The following THEMIS variants were observed in gnomAD, a reference collection of about 807,000 sequenced individuals.
THEMIS encodes the protein thymocyte selection associated, also known as protein THEMIS.
THEMIS carries 37 observed loss-of-function variants against 52.6 expected under a neutral mutation model. The observed-to-expected ratio is 0.70, with a 90% CI of 0.54 to 0.93. The LOEUF (loss-of-function observed/expected upper bound fraction) is 0.93. Among genes scored for constraint, THEMIS ranks in the 40% least tolerant of loss-of-function variants. THEMIS has a pLI of 0.00. For synonymous variants in THEMIS, 292 were observed against 272.7 expected (o/e 1.07, Z -0.70); for missense variants, 808 against 763.1 (o/e 1.06, Z -0.69).
intron 4 of THEMIS, among the ~76,000 whole-genome samples, chr6:127,752,321 AAAAT>A (rs1292021599): frequency 6.6e-6 from 1 of 151,358 alleles, no homozygotes; most frequent in African/African-American, 2.4e-5. Flanking sequence ...AGAAATAAAT[AAAAT>A]AGAGACAAAA....
chr6:127,861,552 G>A (rs111360386), intron 1 of THEMIS, among the ~76,000 whole-genome samples: 1,967 of 152,134 alleles, frequency 0.013, 39 homozygotes, highest in African/African-American at 0.045. Context: ...GGGAGGCCAA[G>A]GTGGGTGGAT....
chr6:127,880,652 C>T (rs1340568863), intron 1 of THEMIS, among the ~76,000 whole-genome samples: 1 of 149,546 alleles, frequency 6.7e-6, no homozygotes, highest in Non-Finnish European at 1.5e-5. Flanking sequence ...GTGTTCTTTC[C>T]TTAACTGACA....
intron 4 of THEMIS, among the ~76,000 whole-genome samples, chr6:127,739,764 T>C (rs1428963474): frequency 6.6e-6 from 1 of 152,216 alleles, no homozygotes; most frequent in Non-Finnish European, 1.5e-5. Flanking sequence ...GCCTATTTAA[T>C]GCTGTACCGT....
intron 4 of THEMIS, among the ~76,000 whole-genome samples, chr6:127,749,903 G>A (rs761752402): frequency 2.3e-4 from 34 of 150,418 alleles, no homozygotes; most frequent in African/African-American, 4.4e-4. Flanking sequence ...TAGGATTTTC[G>A]AGTAGAACAA....
intron 1 of THEMIS, among the ~76,000 whole-genome samples, chr6:127,907,797 T>G (rs997635919): frequency 6.6e-6 from 1 of 151,506 alleles, no homozygotes; most frequent in Non-Finnish European, 1.5e-5. Context: ...TTGATCACCA[T>G]TCTCTTCTGT....
intron 1 of THEMIS, among the ~76,000 whole-genome samples, chr6:127,871,137 A>T (rs1422383168): frequency 6.6e-6 from 1 of 152,164 alleles, no homozygotes; most frequent in Non-Finnish European, 1.5e-5. Flanking sequence ...ATATTCTATG[A>T]CCACAATGAA....
chr6:127,849,077 T>C (rs1779328273), intron 2 of THEMIS, among the ~76,000 whole-genome samples: 1 of 152,178 alleles, frequency 6.6e-6, no homozygotes, highest in African/African-American at 2.4e-5. Context: ...TTTAAGTCTT[T>C]ACTCCATCTT....
chr6:127,748,297 T>G (rs1403722921), intron 4 of THEMIS, among the ~76,000 whole-genome samples: 1 of 152,056 alleles, frequency 6.6e-6, no homozygotes, highest in Admixed American at 6.6e-5. Context: ...AACGAGTGGC[T>G]GCATCTGGTC....
chr6:127,812,183 G>C (rs1271650279), intron 4 of THEMIS, among the ~76,000 whole-genome samples: 1 of 152,178 alleles, frequency 6.6e-6, no homozygotes, highest in African/African-American at 2.4e-5. Flanking sequence ...GCAGCCAGAA[G>C]GCAGTTTTCA....
chr6:127,769,926 T>A (rs1776325933), intron 4 of THEMIS, among the ~76,000 whole-genome samples: 1 of 152,204 alleles, frequency 6.6e-6, no homozygotes, highest in Non-Finnish European at 1.5e-5. Context: ...TCCAGCTTCA[T>A]CCATGTCCCT....
At chr6:127,867,128 T>C (rs1780006758) in intron 1 of THEMIS, among the ~76,000 whole-genome samples, 1 of 151,988 alleles carries the variant, frequency 6.6e-6, no homozygotes, top group South Asian at 2.1e-4. Context: ...TATAAGCCAT[T>C]GTATTCTTGG....
At chr6:127,891,538 C>CAA (rs67886431) in intron 1 of THEMIS, among the ~76,000 whole-genome samples, 15 of 96,812 alleles carry the variant, frequency 1.5e-4, no homozygotes, top group Non-Finnish European at 2.0e-4. Flanking sequence ...TCCAGCTCAA[C>CAA]AAAAAAAAAA....
upstream of THEMIS, among the ~76,000 whole-genome samples, chr6:127,902,050 T>C (rs976159421): frequency 1.3e-4 from 19 of 151,934 alleles, no homozygotes; most frequent in African/African-American, 4.6e-4. Flanking sequence ...TGAGGCTGGG[T>C]ACGGTGGCTC....
intron 3 of THEMIS, among the ~76,000 whole-genome samples, chr6:127,828,652 A>C (rs1226627298): frequency 1.3e-5 from 2 of 152,160 alleles, no homozygotes; most frequent in Non-Finnish European, 2.9e-5. Context: ...TTCTATGAAG[A>C]TTGCATATTA....
At chr6:127,846,224 A>T (rs1185027572) in intron 2 of THEMIS, among the ~76,000 whole-genome samples, 1 of 151,960 alleles carries the variant, frequency 6.6e-6, no homozygotes, top group Non-Finnish European at 1.5e-5. Flanking sequence ...ACTACCAATA[A>T]CAGCAAGCCC....
chr6:127,895,053 G>GA (rs1474781256), intron 1 of THEMIS, among the ~76,000 whole-genome samples: 1 of 149,992 alleles, frequency 6.7e-6, no homozygotes, highest in African/African-American at 2.4e-5. Flanking sequence ...TCCAACATTT[G>GA]AAAAATCTTT....
At chr6:127,901,594 G>A (rs149575409), upstream of THEMIS, among the ~76,000 whole-genome samples, 331 of 152,126 alleles carry the variant, frequency 2.2e-3, 5 homozygotes, top group Middle Eastern at 0.014. Context: ...GGTAGGGATA[G>A]AATATGCAAA....
intron 1 of THEMIS, among the ~76,000 whole-genome samples, chr6:127,914,072 T>C (rs1781468282): frequency 6.6e-6 from 1 of 152,194 alleles, no homozygotes; most frequent in Admixed American, 6.5e-5. Flanking sequence ...TTATTTATGT[T>C]TTGTAGACAC....
At chr6:127,724,591 C>A (rs1316064105) in intron 4 of THEMIS, among the ~76,000 whole-genome samples, 1 of 152,000 alleles carries the variant, frequency 6.6e-6, no homozygotes, top group African/African-American at 2.4e-5. Context: ...AGTCGTACTT[C>A]AAAAAATAAG....
Sources: gnomAD v4.1 joint callset for allele counts (sites outside exome capture counted in the v4.1 genomes callset) on GRCh38, gnomAD v4.1.1 for gene constraint, MANE v1.5 for transcripts, NCBI Gene and HGNC (gene_info 2026-07-23, HGNC 2026-07-21) for gene names.